The following KLF15 variants were observed in gnomAD, a reference collection of about 807,000 sequenced individuals.
KLF15 encodes Krueppel-like factor 15.
In KLF15, 4 loss-of-function variants were observed where a neutral mutation model predicts 24.6. That is an observed-to-expected ratio of 0.16 (90% CI 0.08 to 0.37). KLF15 has a LOEUF of 0.37. Ranked by LOEUF, KLF15 falls within the 10% of genes least tolerant of loss-of-function variation. The probability of loss-of-function intolerance (pLI) is 1.00; values close to 1 mark genes in which losing one functional copy is unlikely to be tolerated. For missense variants in KLF15, 496 were observed against 560.6 expected (o/e 0.88, Z 1.16); for synonymous variants, 246 against 236.3 (o/e 1.04, Z -0.37).
At chr3:126,311,946 G>T in the KLF15 span, among the ~76,000 whole-genome samples, 1 of 152,142 alleles carries the variant, frequency 6.6e-6, no homozygotes, top group East Asian at 1.9e-4. Context: ...CCCTCTTGTT[G>T]GATCCACATT....
the KLF15 span, among the ~76,000 whole-genome samples, chr3:126,303,398 T>C: frequency 1.3e-5 from 2 of 152,082 alleles, no homozygotes; most frequent in Non-Finnish European, 2.9e-5. Context: ...TTGCTGAGTA[T>C]AGAATTCTAG....
At chr3:126,348,854 C>T (rs1033381221) in intron 2 of KLF15, among the ~76,000 whole-genome samples, 1 of 152,184 alleles carries the variant, frequency 6.6e-6, no homozygotes, top group African/African-American at 2.4e-5. Flanking sequence ...CAGCAAAGTA[C>T]ACTTAAAGGC....
At chr3:126,344,906 G>A (rs941143897) in intron 2 of KLF15, among the ~76,000 whole-genome samples, 9 of 152,264 alleles carry the variant, frequency 5.9e-5, no homozygotes, top group South Asian at 2.1e-4. Context: ...AAGCTGCATC[G>A]AGGGCCTGGA....
At chr3:126,354,787 C>T (rs2082616743) in intron 1 of KLF15, among the ~76,000 whole-genome samples, 1 of 152,326 alleles carries the variant, frequency 6.6e-6, no homozygotes, top group African/African-American at 2.4e-5. Context: ...CCTCCCCCAA[C>T]CCTTTCCCAC....
the KLF15 span, among the ~76,000 whole-genome samples, chr3:126,321,552 G>A: frequency 1.3e-5 from 2 of 152,250 alleles, no homozygotes; most frequent in African/African-American, 2.4e-5. Context: ...TGTGTGGCCC[G>A]CAGCCAGGTC....
chr3:126,327,455 G>A, the KLF15 span, among the ~76,000 whole-genome samples: 11 of 152,208 alleles, frequency 7.2e-5, no homozygotes, highest in South Asian at 4.1e-4. Context: ...GATGTCTGTG[G>A]ATGATTCTGC....
At chr3:126,304,952 A>C in the KLF15 span, among the ~76,000 whole-genome samples, 1 of 152,366 alleles carries the variant, frequency 6.6e-6, no homozygotes, top group African/African-American at 2.4e-5. Flanking sequence ...ATGTCCAAGT[A>C]GAGTCTACCT....
chr3:126,323,837 T>C, the KLF15 span, among the ~76,000 whole-genome samples: 1 of 151,764 alleles, frequency 6.6e-6, no homozygotes, highest in African/African-American at 2.4e-5. Flanking sequence ...TTTCTGTTCC[T>C]GTGTTAGTTT....
the KLF15 span, among the ~76,000 whole-genome samples, chr3:126,296,492 C>T: frequency 2.0e-5 from 3 of 152,238 alleles, no homozygotes; most frequent in Non-Finnish European, 4.4e-5. Flanking sequence ...CAGGCGTGAG[C>T]CACCACGCCA....
At chr3:126,314,664 C>T in the KLF15 span, among the ~76,000 whole-genome samples, 4 of 152,218 alleles carry the variant, frequency 2.6e-5, no homozygotes, top group East Asian at 5.8e-4. Flanking sequence ...CTGCACACAG[C>T]ACAGCTCAGC....
At chr3:126,349,317 G>T (rs999425419) in intron 2 of KLF15, among the ~76,000 whole-genome samples, 12 of 152,196 alleles carry the variant, frequency 7.9e-5, no homozygotes, top group African/African-American at 2.9e-4. Flanking sequence ...AGCTGGAGGA[G>T]CCCTCAGGAA....
chr3:126,323,650 C>T, the KLF15 span, among the ~76,000 whole-genome samples: 3 of 140,096 alleles, frequency 2.1e-5, no homozygotes, highest in Admixed American at 2.2e-4. Flanking sequence ...TAGGTTCCCT[C>T]CCCTGGCCCC....
the KLF15 span, among the ~76,000 whole-genome samples, chr3:126,305,066 A>G: frequency 6.6e-6 from 1 of 152,162 alleles, no homozygotes; most frequent in Non-Finnish European, 1.5e-5. Context: ...AGTCCTGCTT[A>G]TCAACTCTCC....
At chr3:126,328,075 G>T in the KLF15 span, among the ~76,000 whole-genome samples, 4 of 141,090 alleles carry the variant, frequency 2.8e-5, no homozygotes, top group African/African-American at 1.1e-4. Flanking sequence ...TTTATACCTT[G>T]CCCCCCTCTT....
In KLF15 at chr3:126,351,522, G is replaced by A. The variant is rs533531531; in HGVS notation, c.1082+319C>T. ...GGAGCCGCTGCCTGGCCCCTAGACC[G>A]CACTCATCCTTCCTCGCCAGCCCCT... On this transcript the variant is annotated intron_variant, in intron 2 of 2. Coordinates refer to ENST00000296233, the MANE Select transcript of KLF15 (RefSeq NM_014079.4). Among the ~76,000 whole-genome samples, 167 of 152,240 alleles carry A rather than the reference G, an allele frequency of 1.1e-3. 1 individual carries two copies. The highest frequency in any genetic ancestry group is 4.0e-3 in the African/African-American group (165 of 41,556).
the KLF15 span, among the ~76,000 whole-genome samples, chr3:126,291,575 A>G: frequency 3.9e-5 from 6 of 152,276 alleles, no homozygotes; most frequent in Non-Finnish European, 8.8e-5. Flanking sequence ...CCTAAACCAC[A>G]GCAGCAATGC....
At chr3:126,337,920 A>AAAGC (rs2082450751), downstream of KLF15, among the ~76,000 whole-genome samples, 1 of 152,158 alleles carries the variant, frequency 6.6e-6, no homozygotes, top group Admixed American at 6.5e-5. Context: ...GAAGGTGCAA[A>AAAGC]AAGCAAGTCC....
chr3:126,318,007 C>T, the KLF15 span, among the ~76,000 whole-genome samples: 1 of 152,138 alleles, frequency 6.6e-6, no homozygotes, highest in Admixed American at 6.5e-5. Context: ...TTTCTGAGCT[C>T]CTGATTCCAT....
At chr3:126,341,093 T>C (rs1296995200), downstream of KLF15, among the ~76,000 whole-genome samples, 3 of 152,148 alleles carry the variant, frequency 2.0e-5, no homozygotes, top group Non-Finnish European at 4.4e-5. Flanking sequence ...GCGGCCCCAT[T>C]ATCCCTGTTC....
Sources: gnomAD v4.1 joint callset for allele counts (sites outside exome capture counted in the v4.1 genomes callset) on GRCh38, gnomAD v4.1.1 for gene constraint, MANE v1.5 for transcripts, NCBI Gene and HGNC (gene_info 2026-07-23, HGNC 2026-07-21) for gene names.